LGSN: variants seen among roughly 807,000 people sequenced by gnomAD.
LGSN encodes the protein lengsin, lens protein with glutamine synthetase domain.
A neutral mutation model predicts 19.5 loss-of-function variants in LGSN; 21 were observed. The ratio of observed to expected loss-of-function variants is 1.07; its 90% CI spans 0.76 to 1.55. LGSN has a LOEUF of 1.55. Ranked by LOEUF, LGSN falls within the 40% of genes most tolerant of loss-of-function variation. The pLI is 0.00. For synonymous variants in LGSN, 257 were observed against 215.6 expected, an observed-to-expected ratio of 1.19 and a Z score of -1.68; for missense variants, 673 against 608.5, an observed-to-expected ratio of 1.11 and a Z score of -1.12.
the LGSN span, among the ~76,000 whole-genome samples, chr6:63,343,342 G>A: frequency 6.6e-6 from 1 of 152,146 alleles, no homozygotes; most frequent in Non-Finnish European, 1.5e-5. Flanking sequence ...CCATTTAAGA[G>A]TTCCTATCAC....
chr6:63,345,031 A>G, the LGSN span, among the ~76,000 whole-genome samples: 1 of 151,430 alleles, frequency 6.6e-6, no homozygotes, highest in South Asian at 2.1e-4. Flanking sequence ...TTATAACTTA[A>G]TTTCTAAAGG....
chr6:63,333,547 GAAAA>G, the LGSN span, among the ~76,000 whole-genome samples: 3 of 120,302 alleles, frequency 2.5e-5, no homozygotes, highest in South Asian at 2.9e-4. Flanking sequence ...ACGAAAGAAA[GAAAA>G]AGAAAGGAAG....
chr6:63,368,657 CA>C, the LGSN span, among the ~76,000 whole-genome samples: 2 of 152,190 alleles, frequency 1.3e-5, no homozygotes, highest in Non-Finnish European at 2.9e-5. Flanking sequence ...TCTTTTTCTT[CA>C]AAACATCTAT....
the LGSN span, among the ~76,000 whole-genome samples, chr6:63,365,453 C>G: frequency 1.4e-5 from 2 of 145,776 alleles, no homozygotes; most frequent in African/African-American, 5.6e-5. Flanking sequence ...TAATAGCCTA[C>G]CAACCAAAAA....
At chr6:63,423,508 T>TC in the LGSN span, among the ~76,000 whole-genome samples, 1 of 150,056 alleles carries the variant, frequency 6.7e-6, no homozygotes, top group South Asian at 2.1e-4. Flanking sequence ...CATGTAGTCC[T>TC]AGCTACACAG....
the LGSN span, among the ~76,000 whole-genome samples, chr6:63,436,742 GAT>G: frequency 3.9e-5 from 6 of 152,138 alleles, no homozygotes; most frequent in East Asian, 1.2e-3. Flanking sequence ...AGAAAAGAAA[GAT>G]ATTCTTAGAG....
At chr6:63,319,098 C>T (rs1049433701) in intron 1 of LGSN, among the ~76,000 whole-genome samples, 3 of 152,154 alleles carry the variant, frequency 2.0e-5, no homozygotes, top group African/African-American at 7.2e-5. Flanking sequence ...TATTTCAAAA[C>T]AACTGCTTGT....
the LGSN span, among the ~76,000 whole-genome samples, chr6:63,524,145 C>A: frequency 1.3e-5 from 2 of 152,062 alleles, no homozygotes; most frequent in Non-Finnish European, 2.9e-5. Flanking sequence ...CCACCACACC[C>A]AGTTAATTTT....
At chr6:63,385,027 A>C in the LGSN span, among the ~76,000 whole-genome samples, 1 of 152,186 alleles carries the variant, frequency 6.6e-6, no homozygotes, top group African/African-American at 2.4e-5. Flanking sequence ...AAACCTGTGA[A>C]TCTTGGTGTT....
At chr6:63,468,237 T>G in the LGSN span, among the ~76,000 whole-genome samples, 1 of 152,150 alleles carries the variant, frequency 6.6e-6, no homozygotes, top group Non-Finnish European at 1.5e-5. Flanking sequence ...CAAATGATTC[T>G]CCTGCCTCAG....
chr6:63,513,503 T>C, the LGSN span, among the ~76,000 whole-genome samples: 1 of 152,194 alleles, frequency 6.6e-6, no homozygotes, highest in African/African-American at 2.4e-5. Flanking sequence ...ATTAATTCTC[T>C]GGCCACTTCT....
the LGSN span, among the ~76,000 whole-genome samples, chr6:63,400,076 C>G: frequency 6.6e-6 from 1 of 152,106 alleles, no homozygotes; most frequent in East Asian, 1.9e-4. Context: ...GCAAAAATAG[C>G]CCTCATTTTG....
chr6:63,442,508 C>T, the LGSN span, among the ~76,000 whole-genome samples: 88,307 of 151,660 alleles, frequency 0.58, 25,923 homozygotes, highest in South Asian at 0.61. Context: ...GATTGGTATA[C>T]TTACAATCCT....
At chr6:63,439,344 T>TGTATAATAATAATAATAAAAAA in the LGSN span, among the ~76,000 whole-genome samples, 1 of 151,908 alleles carries the variant, frequency 6.6e-6, no homozygotes, top group African/African-American at 2.4e-5. Flanking sequence ...ACCCTAAAAC[T>TGTATAATAATAATAATAAAAAA]TAAAGTATAA....
chr6:63,373,974 T>A, the LGSN span, among the ~76,000 whole-genome samples: 2 of 152,026 alleles, frequency 1.3e-5, no homozygotes, highest in African/African-American at 4.8e-5. Context: ...GGGAGTGGCA[T>A]CCATGGGACA....
the LGSN span, among the ~76,000 whole-genome samples, chr6:63,534,452 AACACAC>A: frequency 2.8e-3 from 400 of 144,506 alleles, 2 homozygotes; most frequent in African/African-American, 8.7e-3. Context: ...CACACAGAGA[AACACAC>A]ACACACACAC....
chr6:63,416,028 T>C, the LGSN span, among the ~76,000 whole-genome samples: 3 of 152,040 alleles, frequency 2.0e-5, no homozygotes, highest in South Asian at 2.1e-4. Context: ...TTCCTGACCA[T>C]TGAGAAGAGA....
the LGSN span, among the ~76,000 whole-genome samples, chr6:63,511,362 T>TTCTGCC: frequency 2.7e-3 from 407 of 152,152 alleles, 1 homozygote; most frequent in African/African-American, 9.4e-3. Flanking sequence ...CAAGCGATTC[T>TTCTGCC]TCTGCCTCAG....
At chr6:63,329,636 C>T in the LGSN span, among the ~76,000 whole-genome samples, 466 of 152,220 alleles carry the variant, frequency 3.1e-3, 3 homozygotes, top group African/African-American at 0.01. Context: ...TTGGACTGGG[C>T]GGGCATTTTT....
Sources: gnomAD v4.1 joint callset for allele counts (sites outside exome capture counted in the v4.1 genomes callset) on GRCh38, gnomAD v4.1.1 for gene constraint, MANE v1.5 for transcripts, NCBI Gene and HGNC (gene_info 2026-07-23, HGNC 2026-07-21) for gene names.